Variants in CACNA1D observed in about 807,000 individuals in gnomAD.
The protein encoded by CACNA1D is calcium voltage-gated channel subunit alpha1 D, also known as voltage-dependent L-type calcium channel subunit alpha-1D.
Under a neutral mutation model 257.1 loss-of-function variants are expected in CACNA1D, and 55 were observed. That is an observed-to-expected ratio of 0.21 (90% CI 0.17 to 0.27). CACNA1D has a LOEUF of 0.27. Ranked by LOEUF, CACNA1D falls within the 10% of genes least tolerant of loss-of-function variation. The pLI, the probability that CACNA1D is intolerant of heterozygous loss-of-function variation, is 1.00. For missense variants in CACNA1D, 1,876 were observed against 2,784.0 expected (o/e 0.67, Z 7.34); for synonymous variants, 980 against 1,014.9 (o/e 0.97, Z 0.65).
intron 3 of CACNA1D, among the ~76,000 whole-genome samples, chr3:53,509,123 A>G (rs2090995531): frequency 6.6e-6 from 1 of 152,036 alleles, no homozygotes; most frequent in Non-Finnish European, 1.5e-5. Context: ...TTCAGGTGAG[A>G]TTGGTATTCT....
At chr3:53,677,004 A>C (rs777145222) in intron 8 of CACNA1D, among the ~76,000 whole-genome samples, 6 of 152,254 alleles carry the variant, frequency 3.9e-5, no homozygotes, top group Non-Finnish European at 5.9e-5. Context: ...TGTCTTCTTT[A>C]AGTCTGCAAT....
chr3:53,556,848 TG>T (rs975960629), intron 3 of CACNA1D, among the ~76,000 whole-genome samples: 4 of 152,078 alleles, frequency 2.6e-5, no homozygotes, highest in African/African-American at 9.7e-5. Flanking sequence ...CCTGAGTAGC[TG>T]GGGCTACAGG....
At chr3:53,535,662 G>A (rs939349803) in intron 3 of CACNA1D, among the ~76,000 whole-genome samples, 3 of 152,196 alleles carry the variant, frequency 2.0e-5, no homozygotes, top group African/African-American at 4.8e-5. Flanking sequence ...TCCCAGACTA[G>A]TGGGAAGTAG....
At chr3:53,593,708 CA>C (rs1162228457) in intron 3 of CACNA1D, among the ~76,000 whole-genome samples, 7 of 152,176 alleles carry the variant, frequency 4.6e-5, no homozygotes, top group African/African-American at 1.7e-4. Flanking sequence ...GTGGGAAGAG[CA>C]GTGCTCCAAG....
At chr3:53,533,703 G>A (rs758355173) in intron 3 of CACNA1D, among the ~76,000 whole-genome samples, 7 of 152,148 alleles carry the variant, frequency 4.6e-5, no homozygotes, top group Admixed American at 6.5e-5. Context: ...GGCCGTGGGC[G>A]CTGAGCACGT....
chr3:53,630,992 T>C (rs36036528), intron 3 of CACNA1D, among the ~76,000 whole-genome samples: 12,844 of 152,304 alleles, frequency 0.084, 621 homozygotes, highest in African/African-American at 0.086. Context: ...AATGATCATC[T>C]GAGCCTTCAG....
intron 7 of CACNA1D, among the ~76,000 whole-genome samples, chr3:53,669,021 ACT>A (rs1264909878): frequency 6.6e-6 from 1 of 152,142 alleles, no homozygotes; most frequent in East Asian, 1.9e-4. Flanking sequence ...AGAACCCAGC[ACT>A]CTTTCCTTGG....
intron 26 of CACNA1D, 148 bp from the exon 27 acceptor site, chr3:53,749,120 G>T (rs958612588): frequency 1.1e-5 from 8 of 710,458 alleles, no homozygotes; most frequent in Non-Finnish European, 2.1e-5. Flanking sequence ...TGATGGGAGA[G>T]ACCTGGTTGT....
chr3:53,604,942 C>A (rs1359635073), intron 3 of CACNA1D, among the ~76,000 whole-genome samples: 1 of 152,186 alleles, frequency 6.6e-6, no homozygotes, highest in African/African-American at 2.4e-5. Flanking sequence ...TCACTGTGGG[C>A]TGTTGCATTT....
intron 7 of CACNA1D, among the ~76,000 whole-genome samples, chr3:53,669,844 G>A (rs1285291177): frequency 6.6e-6 from 1 of 152,190 alleles, no homozygotes; most frequent in East Asian, 1.9e-4. Context: ...GTGTAGGGCA[G>A]GGAAAGAGTG....
At chr3:53,802,275 C>T in intron 43 of CACNA1D, 102 bp downstream of exon 43, 2 of 976,270 alleles carry the variant, frequency 2.0e-6, no homozygotes, top group Non-Finnish European at 3.3e-6. Flanking sequence ...TTGAGCCAGC[C>T]TATTAAAGGT....
In CACNA1D at chr3:53,619,432, G is replaced by A. The variant is rs7634391; in HGVS notation, c.484-31347G>A. Among the ~76,000 whole-genome samples the A allele has an allele frequency of 2.1e-3, 313 of 152,326 alleles. 3 individuals carry two copies. The highest frequency in any genetic ancestry group is 7.0e-3 in the African/African-American group (293 of 41,568). ...AAACATGGGTAATTTACCTGGCACT[G>A]TGAGGTGCTGGAAATTATAACCAGT... On this transcript the variant is annotated intron_variant, in intron 3 of 47. Transcript: ENST00000350061.
intron 3 of CACNA1D, among the ~76,000 whole-genome samples, chr3:53,625,801 G>T (rs1465562300): frequency 6.6e-6 from 1 of 152,138 alleles, no homozygotes; most frequent in Non-Finnish European, 1.5e-5. Flanking sequence ...CCAATTGTTG[G>T]GTGACTGGTT....
rs1411730046 is a variant in CACNA1D, at chr3:53,678,793, G to T, written c.1220+5667G>T. Among the ~76,000 whole-genome samples, 3 of 152,008 alleles carry T rather than the reference G, an allele frequency of 2.0e-5. No homozygotes were observed. In the East Asian group the frequency reaches 5.8e-4, roughly 29 times the overall value. On this transcript the variant is annotated intron_variant, in intron 8 of 47. Coordinates refer to ENST00000350061, the MANE Select transcript of CACNA1D (RefSeq NM_001128840.3). ...AATTTTACATAGTGGAATCAGGTTTGGTCCATTTAAATTCATACTAGTAAT... is the reference window on the plus strand; with the variant it reads ...AATTTTACATAGTGGAATCAGGTTTTGTCCATTTAAATTCATACTAGTAAT...
At chr3:53,683,907 A>T (rs1263396944) in intron 8 of CACNA1D, among the ~76,000 whole-genome samples, 1 of 152,190 alleles carries the variant, frequency 6.6e-6, no homozygotes, top group Non-Finnish European at 1.5e-5. Context: ...AGTATTGAAA[A>T]CTAAGTTAAC....
chr3:53,780,198 C>G lies in CACNA1D; in HGVS notation c.4690+70C>G, dbSNP rs547243791. Reference sequence around the variant, plus strand: ...AGACATCACATCCCATCTTGCCTTCCTCATCTGGGCCTTTTCTTGGCCAAG... The same window carrying G: ...AGACATCACATCCCATCTTGCCTTCGTCATCTGGGCCTTTTCTTGGCCAAG... On this transcript the variant is annotated intron_variant, in intron 38 of 47. Transcript: ENST00000350061. 56 of 1,228,276 alleles carry G rather than the reference C, an allele frequency of 4.6e-5. No individual in the cohort carries two copies. In the African/African-American group the frequency reaches 7.5e-4, roughly 17 times the overall value. The allele number at this position is 1,228,276 out of a possible 1,614,324, so 76.1% of individuals were successfully genotyped here. A position where few individuals can be genotyped will look rare whatever the true frequency, so the allele number is the denominator to read the frequency against.
At chr3:53,595,020 G>T (rs1197472497) in intron 3 of CACNA1D, among the ~76,000 whole-genome samples, 1 of 152,152 alleles carries the variant, frequency 6.6e-6, no homozygotes, top group Non-Finnish European at 1.5e-5. Context: ...ATGTCCTGTT[G>T]TTTTGCTATT....
Position 53,784,146 on chromosome 3 carries a change from G to A in CACNA1D, c.4792+2479G>A, listed in dbSNP as rs192920520. On this transcript the variant is annotated intron_variant, in intron 39 of 47. Coordinates refer to ENST00000350061, the MANE Select transcript of CACNA1D (RefSeq NM_001128840.3). ...CACTCCCAGTGGCCCGGGGGTCTCC[G>A]CTGCCCCCTCACCATCAGTGCTGAG... Among the ~76,000 whole-genome samples the A allele has an allele frequency of 1.1e-3, 162 of 152,286 alleles. 1 individual carries two copies. Among genetic ancestry groups the A allele is most frequent in the Middle Eastern group, 3.4e-3 (1 of 294 alleles).
intron 3 of CACNA1D, among the ~76,000 whole-genome samples, chr3:53,589,633 A>C (rs1432533861): frequency 1.3e-5 from 2 of 152,118 alleles, no homozygotes; most frequent in Non-Finnish European, 2.9e-5. Context: ...TTTTAGAGAC[A>C]ACGTCTCCTT....
Sources: gnomAD v4.1 joint callset for allele counts (sites outside exome capture counted in the v4.1 genomes callset) on GRCh38, gnomAD v4.1.1 for gene constraint, MANE v1.5 for transcripts, NCBI Gene and HGNC (gene_info 2026-07-23, HGNC 2026-07-21) for gene names.